ACTR10: variants seen among roughly 807,000 people sequenced by gnomAD.
ACTR10 encodes the protein actin-related protein 10.
ACTR10 carries 43 observed loss-of-function variants against 56.2 expected under a neutral mutation model. The observed-to-expected ratio is 0.77, with a 90% CI of 0.60 to 0.99. ACTR10 has a LOEUF of 0.99. ACTR10 is among the 50% of genes least tolerant of loss of function. The pLI is 0.00. For missense variants in ACTR10, 466 were observed against 507.8 expected, an observed-to-expected ratio of 0.92 and a Z score of 0.79; for synonymous variants, 170 against 176.3, an observed-to-expected ratio of 0.96 and a Z score of 0.28.
In ACTR10 at chr14:58,232,283, T is replaced by G. The variant is rs1889557030; in HGVS notation, c.1072+16T>G. The G allele has an allele frequency of 6.3e-7, 1 of 1,599,062 alleles. No homozygotes were observed. Among genetic ancestry groups the G allele is most frequent in the Non-Finnish European group, 8.6e-7 (1 of 1,169,156 alleles). Reference sequence around the variant, plus strand: ...TGGTTGGGAGGTAAGAATTTCACTTTTAAAATATAATGATTATATAGTATT... The same window carrying G: ...TGGTTGGGAGGTAAGAATTTCACTTGTAAAATATAATGATTATATAGTATT... On this transcript the variant is annotated intron_variant, in intron 12 of 12. Transcript: ENST00000254286.
intron 10 of ACTR10, among the ~76,000 whole-genome samples, chr14:58,227,393 T>A (rs1889430580): frequency 6.6e-6 from 1 of 152,230 alleles, no homozygotes; most frequent in African/African-American, 2.4e-5. Flanking sequence ...TCCATCTAGT[T>A]ATTTTCTTCT....
chr14:58,232,116 T>G lies in ACTR10; in HGVS notation c.921T>G (p.Gly307=). Residue 307 remains glycine (G), a synonymous_variant, in exon 12 of 13, where the codon GGT becomes GGG. Coordinates refer to ENST00000254286, the MANE Select transcript of ACTR10 (RefSeq NM_018477.3). ...KQLAENLVVI[G]GTSMLPGFLH... ...TAGCAGAGAATTTGGTAGTCATAGG[T>G]GGCACTTCTATGTTGCCAGGATTTC... 6.2e-7 allele frequency: 1 copy of G among 1,613,948 alleles called. No individual in the cohort carries two copies.
intron 10 of ACTR10, among the ~76,000 whole-genome samples, chr14:58,228,321 T>G (rs1426313589): frequency 6.6e-6 from 1 of 152,094 alleles, no homozygotes; most frequent in East Asian, 1.9e-4. Flanking sequence ...AACTCTTAAT[T>G]GAAAGTCCAA....
At chr14:58,225,147 C>T (rs1363786114) in intron 10 of ACTR10, among the ~76,000 whole-genome samples, 1 of 152,108 alleles carries the variant, frequency 6.6e-6, no homozygotes, top group Non-Finnish European at 1.5e-5. Context: ...CAGGTGGTGG[C>T]TGTATTTCAT....
chr14:58,230,097 A>G (rs1159230434), intron 10 of ACTR10, among the ~76,000 whole-genome samples: 1 of 146,936 alleles, frequency 6.8e-6, no homozygotes, highest in Non-Finnish European at 1.5e-5. Flanking sequence ...GGGAGTTATA[A>G]TTGGACACAA....
chr14:58,234,285 C>A, intron 12 of ACTR10, 85 bp from the exon 13 acceptor site: 1 of 1,184,568 alleles, frequency 8.4e-7, no homozygotes, highest in Non-Finnish European at 1.2e-6. Flanking sequence ...CCACTTTTGT[C>A]ATATAGTGAA....
At chr14:58,226,518 G>C (rs1450837981) in intron 10 of ACTR10, among the ~76,000 whole-genome samples, 1 of 151,668 alleles carries the variant, frequency 6.6e-6, no homozygotes, top group Non-Finnish European at 1.5e-5. Context: ...AAGGAAGCCA[G>C]TATGTCTTAC....
rs150950450 is a variant in ACTR10, at chr14:58,208,002, C to G, written c.217C>G (p.His73Asp). 4.0e-6 allele frequency: 6 copies of G among 1,507,350 alleles called. No individual in the cohort carries two copies. Among genetic ancestry groups the G allele is most frequent in the Non-Finnish European group, 5.3e-6 (6 of 1,136,012 alleles). The allele number at this position is 1,507,350 out of a possible 1,614,324, so 93.4% of individuals were successfully genotyped here. Residue 73 changes from histidine (H) to aspartate (D), a missense_variant, in exon 3 of 13, where the codon CAC (histidine) becomes GAC (aspartate). By Grantham distance (81) the His-to-Asp change is moderately conservative. Transcript: ENST00000254286. ...ELYSYLKEFI[H>D]ILYFRHLLVN... is the part of the protein sequence containing the mutation. ...ATATTCCTACCTAAAGGAATTCATC[C>G]ACATACTATATTTCAGGTAAGATAC...
At chr14:58,213,534 TA>T in intron 5 of ACTR10, 96 bp from the exon 6 acceptor site, 1 of 650,510 alleles carries the variant, frequency 1.5e-6, no homozygotes, top group Non-Finnish European at 2.4e-6. Context: ...AATTTGTCAC[TA>T]AAGCATATTT....
At chr14:58,218,186 G>A (rs1889181731) in intron 7 of ACTR10, among the ~76,000 whole-genome samples, 1 of 152,160 alleles carries the variant, frequency 6.6e-6, no homozygotes, top group Admixed American at 6.5e-5. Flanking sequence ...CCAAGAGAGA[G>A]CATTGAAGTT....
intron 10 of ACTR10, among the ~76,000 whole-genome samples, chr14:58,228,447 C>G (rs1228493368): frequency 1.3e-5 from 2 of 152,000 alleles, no homozygotes; most frequent in Admixed American, 6.6e-5. Flanking sequence ...GGCAAAACCC[C>G]GTCTCTACTG....
chr14:58,219,114 C>T (rs112078694), intron 7 of ACTR10, among the ~76,000 whole-genome samples: 1 of 152,176 alleles, frequency 6.6e-6, no homozygotes, highest in African/African-American at 2.4e-5. Context: ...GCCACTGCGC[C>T]TGGCCCCAAA....
At chr14:58,219,084 C>T (rs1889205880) in intron 7 of ACTR10, among the ~76,000 whole-genome samples, 2 of 152,068 alleles carry the variant, frequency 1.3e-5, no homozygotes, top group South Asian at 4.1e-4. Context: ...CCTTCCATAG[C>T]GCTGGGATTA....
chr14:58,232,437 G>A (rs113857872), intron 12 of ACTR10, among the ~76,000 whole-genome samples, 170 bp downstream of exon 12: 4 of 103,836 alleles, frequency 3.9e-5, no homozygotes, highest in African/African-American at 8.2e-5. Context: ...TTTTTGAGAC[G>A]GAGTCTCACT....
At chr14:58,202,685 A>G (rs11623828) in intron 1 of ACTR10, among the ~76,000 whole-genome samples, 170 bp from the exon 2 acceptor site, 38,248 of 151,910 alleles carry the variant, frequency 0.25, 5,618 homozygotes, top group East Asian at 0.62. Context: ...GCATTAATAA[A>G]TAGTATTATT....
At chr14:58,229,587 A>T (rs1594815094) in intron 10 of ACTR10, among the ~76,000 whole-genome samples, 1 of 151,588 alleles carries the variant, frequency 6.6e-6, no homozygotes, top group Non-Finnish European at 1.5e-5. Context: ...CTGAGGCAGG[A>T]GAATGGCGTG....
chr14:58,226,503 G>A (rs1248241978), intron 10 of ACTR10, among the ~76,000 whole-genome samples: 1 of 151,244 alleles, frequency 6.6e-6, no homozygotes, highest in Non-Finnish European at 1.5e-5. Flanking sequence ...ATGCTAATGT[G>A]AATAAAGGAA....
intron 8 of ACTR10, among the ~76,000 whole-genome samples, chr14:58,220,840 G>C (rs1889247885): frequency 6.6e-6 from 1 of 152,218 alleles, no homozygotes; most frequent in Non-Finnish European, 1.5e-5. Flanking sequence ...CATCTAAAAA[G>C]TGTTATTGCA....
At chr14:58,221,487 G>C (rs1889268081) in intron 8 of ACTR10, among the ~76,000 whole-genome samples, 2 of 152,108 alleles carry the variant, frequency 1.3e-5, no homozygotes, top group African/African-American at 2.4e-5. Flanking sequence ...CAGCTATTTA[G>C]AGGGGCTGAG....
Sources: allele counts gnomAD v4.1 joint callset (sites outside exome capture counted in the v4.1 genomes callset), GRCh38; gene constraint gnomAD v4.1.1; transcripts MANE v1.5; gene names NCBI Gene and HGNC (gene_info 2026-07-23, HGNC 2026-07-21).